Variants in PTPRN2 observed in about 807,000 individuals in gnomAD.
PTPRN2 encodes the protein protein tyrosine phosphatase receptor type N2.
In PTPRN2, 74 loss-of-function variants were observed where a neutral mutation model predicts 118.8. The ratio of observed to expected loss-of-function variants is 0.62; its 90% CI spans 0.52 to 0.76. PTPRN2 has a LOEUF of 0.76. Among genes scored for constraint, PTPRN2 ranks in the 30% least tolerant of loss-of-function variants. The pLI is 0.00. For missense variants in PTPRN2, 1,481 were observed against 1,394.4 expected, an observed-to-expected ratio of 1.06 and a Z score of -0.99; for synonymous variants, 641 against 608.0, an observed-to-expected ratio of 1.05 and a Z score of -0.80.
intron 6 of PTPRN2, among the ~76,000 whole-genome samples, chr7:158,161,762 T>C (rs551028767): frequency 5.9e-5 from 9 of 152,212 alleles, no homozygotes; most frequent in African/African-American, 2.2e-4. Context: ...ACTAATGCTC[T>C]GCAAAAGACG....
chr7:158,150,319 C>A (rs1820843693), intron 6 of PTPRN2, among the ~76,000 whole-genome samples: 1 of 152,240 alleles, frequency 6.6e-6, no homozygotes, highest in South Asian at 2.1e-4. Context: ...GAACATTCAG[C>A]TGACAAGCAT....
chr7:158,189,746 G>A (rs542289187), intron 5 of PTPRN2, among the ~76,000 whole-genome samples: 6 of 152,350 alleles, frequency 3.9e-5, no homozygotes, highest in South Asian at 2.1e-4. Flanking sequence ...GTCTGGGGAC[G>A]TGACGTCACG....
At chr7:157,866,910 C>T (rs1584910899) in intron 12 of PTPRN2, among the ~76,000 whole-genome samples, 1 of 116,108 alleles carries the variant, frequency 8.6e-6, no homozygotes, top group Non-Finnish European at 1.8e-5. Context: ...CCGCCCCCGA[C>T]GCCCTGGATA....
At chr7:157,911,585 C>T (rs1307122763) in intron 11 of PTPRN2, among the ~76,000 whole-genome samples, 1 of 151,874 alleles carries the variant, frequency 6.6e-6, no homozygotes, top group Non-Finnish European at 1.5e-5. Context: ...TAGGAAGATA[C>T]CAAAGAATAT....
chr7:158,056,865 T>C (rs1354493714), intron 11 of PTPRN2, among the ~76,000 whole-genome samples: 2 of 152,194 alleles, frequency 1.3e-5, no homozygotes, highest in East Asian at 3.9e-4. Flanking sequence ...TGAGTGGCCA[T>C]CCAGCATGGT....
chr7:158,263,525 C>G (rs532127502), intron 3 of PTPRN2, among the ~76,000 whole-genome samples: 1 of 152,396 alleles, frequency 6.6e-6, no homozygotes, highest in South Asian at 2.1e-4. Context: ...GCAGGCCCAT[C>G]AGCATCTGCT....
chr7:157,680,530 C>A (rs6972824), intron 13 of PTPRN2, among the ~76,000 whole-genome samples: 23,588 of 152,182 alleles, frequency 0.15, 1,945 homozygotes, highest in Admixed American at 0.2. Flanking sequence ...GAGTCCTTGA[C>A]ACGTTACTCA....
At chr7:158,269,799 G>A (rs1242112492) in intron 3 of PTPRN2, among the ~76,000 whole-genome samples, 2 of 152,028 alleles carry the variant, frequency 1.3e-5, no homozygotes, top group Admixed American at 6.5e-5. Flanking sequence ...AAGGGAGCAG[G>A]AGAGGGACAG....
intron 4 of PTPRN2, among the ~76,000 whole-genome samples, chr7:158,203,710 G>A (rs1373786802): frequency 2.0e-5 from 3 of 152,144 alleles, no homozygotes; most frequent in African/African-American, 2.4e-5. Context: ...TGGAGTTCAA[G>A]GTCATTGGGG....
In PTPRN2 at chr7:158,438,064, GC is replaced by G. The variant is rs780352115; in HGVS notation, c.163+51670del. ...CGCAGGGAGTGGGCTCCCTAACAGT[GC>G]CCCTCCGATGGGTCTTTTTTAAGTT... On this transcript the variant is annotated intron_variant, in intron 2 of 22. Transcript: ENST00000389418. The surrounding 1 kb of genome is among the most constrained non-coding windows in gnomAD (Gnocchi z 4.7). Among the ~76,000 whole-genome samples, 1 of 152,102 alleles carries G rather than the reference GC, an allele frequency of 6.6e-6. No homozygotes were observed. The highest frequency in any genetic ancestry group is 1.5e-5 in the Non-Finnish European group (1 of 68,008).
At chr7:158,558,082 T>C (rs1448870484) in intron 1 of PTPRN2, among the ~76,000 whole-genome samples, 1 of 152,164 alleles carries the variant, frequency 6.6e-6, no homozygotes, top group East Asian at 1.9e-4. Context: ...ACTTCTGGGC[T>C]TGGGGGATCC....
chr7:157,792,532 C>T (rs997235643), intron 12 of PTPRN2, among the ~76,000 whole-genome samples: 3 of 152,234 alleles, frequency 2.0e-5, no homozygotes, highest in Non-Finnish European at 4.4e-5. Context: ...CCACATGGCA[C>T]GGCTCCTGCA....
intron 11 of PTPRN2, among the ~76,000 whole-genome samples, chr7:157,925,880 A>G (rs1297250026): frequency 6.6e-6 from 1 of 152,088 alleles, no homozygotes; most frequent in Admixed American, 6.5e-5. Context: ...GGTGCCTCAG[A>G]AAACACTTCC....
intron 1 of PTPRN2, among the ~76,000 whole-genome samples, chr7:158,492,010 G>A (rs1041224225): frequency 1.3e-5 from 2 of 152,176 alleles, no homozygotes; most frequent in African/African-American, 2.4e-5. Context: ...CCTTGAAAAG[G>A]TCAGCATGGA....
At chr7:157,569,372 G>C (rs1432626716) in intron 20 of PTPRN2, among the ~76,000 whole-genome samples, 1 of 152,276 alleles carries the variant, frequency 6.6e-6, no homozygotes, top group African/African-American at 2.4e-5. Flanking sequence ...CTCCCGAGCG[G>C]AGAGGGGAGG....
chr7:157,684,873 C>A (rs531224519), intron 12 of PTPRN2, among the ~76,000 whole-genome samples: 2 of 151,998 alleles, frequency 1.3e-5, no homozygotes, highest in South Asian at 2.1e-4. Context: ...GCGCGAGGGA[C>A]CCTAGAGCGC....
Position 158,123,454 on chromosome 7 carries a change from C to G in PTPRN2, c.1556+10223G>C, listed in dbSNP as rs183785739. Among the ~76,000 whole-genome samples the G allele has an allele frequency of 3.9e-5, 6 of 152,246 alleles. No individual in the cohort carries two copies. In the East Asian group the frequency reaches 1.2e-3, roughly 30 times the overall value. On this transcript the variant is annotated intron_variant, in intron 9 of 22. Transcript: ENST00000389418. ...TCTCCACCCTGGATCCCCTGCACGC[C>G]CACTCTCTTCCTGCAGGAGTCTAAT...
At chr7:157,698,291 T>A (rs1797906233) in intron 12 of PTPRN2, among the ~76,000 whole-genome samples, 1 of 152,266 alleles carries the variant, frequency 6.6e-6, no homozygotes, top group Non-Finnish European at 1.5e-5. Flanking sequence ...CAAGTCATTT[T>A]TTGTTTTGAA....
chr7:157,907,535 G>C (rs1312339694), intron 11 of PTPRN2, among the ~76,000 whole-genome samples: 1 of 148,748 alleles, frequency 6.7e-6, no homozygotes, highest in South Asian at 2.2e-4. Flanking sequence ...TGCGTGTGGG[G>C]TGTCCTGGGT....
Sources: gnomAD v4.1 joint callset for allele counts (sites outside exome capture counted in the v4.1 genomes callset) on GRCh38, gnomAD v4.1.1 for gene constraint, Gnocchi (gnomAD v3.1) non-coding constraint, MANE v1.5 for transcripts, NCBI Gene and HGNC (gene_info 2026-07-23, HGNC 2026-07-21) for gene names.